C2orf68: variants seen among roughly 807,000 people sequenced by gnomAD.
C2orf68 encodes the protein UPF0561 protein C2orf68.
A neutral mutation model predicts 19.1 loss-of-function variants in C2orf68; 15 were observed. The observed-to-expected ratio is 0.79, with a 90% CI of 0.53 to 1.21. C2orf68 has a LOEUF of 1.21. Among genes scored for constraint, C2orf68 ranks in the 50% most tolerant of loss-of-function variants. The pLI, the probability that C2orf68 is intolerant of heterozygous loss-of-function variation, is 0.00. For synonymous variants in C2orf68, 98 were observed against 91.0 expected (o/e 1.08, Z -0.44); for missense variants, 242 against 226.6 (o/e 1.07, Z -0.44).
rs933110038 is a variant in C2orf68 at position 85,607,295 on chromosome 2, G to A, written c.*1650C>T. 2 of 152,240 alleles carry A rather than the reference G, an allele frequency of 1.3e-5. No homozygotes were observed. Among genetic ancestry groups the A allele is most frequent in the African/African-American group, 2.4e-5 (1 of 41,446 alleles). 9.4% of individuals were successfully genotyped at this position (152,240 alleles called of 1,614,324 possible). A position where few individuals can be genotyped will look rare whatever the true frequency, so the allele number is the denominator to read the frequency against. Reference sequence around the variant, plus strand: ...CTGGTTCTCTGACCAGGAAGAACAGGGGTGGAGTTTGGGAGAGCCTTCTTG... The same window carrying A: ...CTGGTTCTCTGACCAGGAAGAACAGAGGTGGAGTTTGGGAGAGCCTTCTTG... On this transcript the variant is annotated 3_prime_UTR_variant, in exon 4 of 4. Coordinates refer to ENST00000306336, the MANE Select transcript of C2orf68 (RefSeq NM_001013649.4).
Sources: gnomAD v4.1 joint callset for allele counts on GRCh38, gnomAD v4.1.1 for gene constraint, MANE v1.5 for transcripts, NCBI Gene and HGNC (gene_info 2026-07-23, HGNC 2026-07-21) for gene names.